CRISPLD2: variants seen among roughly 807,000 people sequenced by gnomAD.
CRISPLD2 encodes cysteine rich secretory protein LCCL domain containing 2.
A neutral mutation model predicts 71.1 loss-of-function variants in CRISPLD2; 47 were observed. That is an observed-to-expected ratio of 0.66 (90% CI 0.52 to 0.84). The LOEUF (loss-of-function observed/expected upper bound fraction) is 0.84, where lower values mean the gene tolerates loss of function less well. Among genes scored for constraint, CRISPLD2 ranks in the 40% least tolerant of loss-of-function variants. The pLI is 0.00. For missense variants in CRISPLD2, 830 were observed against 651.1 expected (o/e 1.27, Z -2.99); for synonymous variants, 317 against 250.1 (o/e 1.27, Z -2.52).
Position 84,901,527 on chromosome 16 carries a change from A to G in CRISPLD2, c.1440-5061A>G, listed in dbSNP as rs78913404. On this transcript the variant is annotated intron_variant, in intron 14 of 14. Transcript: ENST00000262424. Reference sequence around the variant, plus strand: ...CCCTGTGTCGCCCAGGCTGGAGTGCAATGGTGTGATCTCGGCTCATTGCAA... The same window carrying G: ...CCCTGTGTCGCCCAGGCTGGAGTGCGATGGTGTGATCTCGGCTCATTGCAA... Among the ~76,000 whole-genome samples, 1,138 of 146,504 alleles carry G rather than the reference A, an allele frequency of 7.8e-3. 12 individuals are homozygous for G. The highest frequency in any genetic ancestry group is 0.028 in the African/African-American group (1,094 of 39,078).
At chr16:84,883,061 T>C (rs1317397100) in intron 13 of CRISPLD2, among the ~76,000 whole-genome samples, 2 of 152,074 alleles carry the variant, frequency 1.3e-5, no homozygotes, top group Non-Finnish European at 2.9e-5. Context: ...CAGACAATCA[T>C]TGTTTGTTGG....
intron 13 of CRISPLD2, among the ~76,000 whole-genome samples, chr16:84,884,289 C>A (rs117799847): frequency 0.02 from 3,071 of 151,916 alleles, 57 homozygotes; most frequent in Non-Finnish European, 0.032. Context: ...AGCCCCCCTG[C>A]CCCTCAGTCA....
intron 6 of CRISPLD2, among the ~76,000 whole-genome samples, 183 bp downstream of exon 6, chr16:84,855,012 C>T (rs1381745468): frequency 6.6e-6 from 1 of 152,178 alleles, no homozygotes; most frequent in African/African-American, 2.4e-5. Context: ...GGTCTAGGCT[C>T]AGCTTCCAGG....
rs764351402 is a variant in CRISPLD2, at chr16:84,850,733, C to G, written c.608+50C>G. The G allele has an allele frequency of 8.9e-6, 13 of 1,454,332 alleles. 1 individual carries two copies. The highest frequency in any genetic ancestry group is 3.5e-4 in the Middle Eastern group (2 of 5,770). The allele number at this position is 1,454,332 out of a possible 1,614,324, so 90.1% of individuals were successfully genotyped here. A position where few individuals can be genotyped will look rare whatever the true frequency, so the allele number is the denominator to read the frequency against. ...TGGGGTGGGGGTTGGGATGTGTTTG[C>G]TTGCCAGGGAGCACCCAGTGAAAAC... On this transcript the variant is annotated intron_variant, in intron 5 of 14. Transcript: ENST00000262424.
intron 14 of CRISPLD2, among the ~76,000 whole-genome samples, chr16:84,889,605 T>G (rs2071643741): frequency 6.6e-6 from 1 of 152,140 alleles, no homozygotes; most frequent in Non-Finnish European, 1.5e-5. Flanking sequence ...AGAACTTTTT[T>G]TCCTATTACC....
At chr16:84,888,018 G>C (rs746265580) in intron 13 of CRISPLD2, among the ~76,000 whole-genome samples, 1 of 152,142 alleles carries the variant, frequency 6.6e-6, no homozygotes, top group Non-Finnish European at 1.5e-5. Context: ...ATTACTGTTA[G>C]AATAAATCAC....
At chr16:84,886,512 C>G (rs2071614680) in intron 13 of CRISPLD2, among the ~76,000 whole-genome samples, 1 of 152,040 alleles carries the variant, frequency 6.6e-6, no homozygotes, top group African/African-American at 2.4e-5. Flanking sequence ...CCACTCCCCT[C>G]TCTGTTGTAG....
chr16:84,832,428 TCAGAC>T (rs1329487351), intron 1 of CRISPLD2, among the ~76,000 whole-genome samples: 1 of 152,240 alleles, frequency 6.6e-6, no homozygotes, highest in Non-Finnish European at 1.5e-5. Context: ...GCAGCCCAAA[TCAGAC>T]GTAGTCCTTA....
intron 14 of CRISPLD2, among the ~76,000 whole-genome samples, chr16:84,891,878 T>A (rs937782060): frequency 1.3e-5 from 2 of 152,202 alleles, no homozygotes; most frequent in Admixed American, 1.3e-4. Context: ...CCCACCCAAA[T>A]CGCCACTGTC....
Position 84,873,973 on chromosome 16 carries a change from C to A in CRISPLD2, c.1156+10C>A. On this transcript the variant is annotated intron_variant, in intron 11 of 14. Coordinates refer to ENST00000262424, the MANE Select transcript of CRISPLD2 (RefSeq NM_031476.4). The stretch of plus-strand genomic sequence containing the variant: ...GTGTCAAAAGTGAAAGGTAAGCTAG[C>A]CAGTCTCTTTTGCGACCATAATACC... 1 of 1,599,834 alleles carries A rather than the reference C, an allele frequency of 6.3e-7. No homozygotes were observed. The highest frequency in any genetic ancestry group is 8.5e-7 in the Non-Finnish European group (1 of 1,175,384).
intron 13 of CRISPLD2, 93 bp downstream of exon 13, chr16:84,880,677 C>T (rs768328480): frequency 2.4e-6 from 2 of 821,412 alleles, no homozygotes; most frequent in South Asian, 1.5e-5. Flanking sequence ...AAACTTTATT[C>T]CAGTGCCTCT....
intron 14 of CRISPLD2, among the ~76,000 whole-genome samples, chr16:84,903,514 C>T (rs1018280538): frequency 6.6e-6 from 1 of 151,674 alleles, no homozygotes; most frequent in Admixed American, 6.6e-5. Flanking sequence ...ATCGCTTGAA[C>T]CTGGGAGGCG....
At chr16:84,891,794 G>A (rs975378404) in intron 14 of CRISPLD2, among the ~76,000 whole-genome samples, 3 of 152,000 alleles carry the variant, frequency 2.0e-5, no homozygotes, top group Non-Finnish European at 4.4e-5. Context: ...GAAGGCCCCC[G>A]AAGCAGCTTT....
intron 5 of CRISPLD2, among the ~76,000 whole-genome samples, chr16:84,852,793 G>A (rs1276372226): frequency 6.6e-6 from 1 of 152,206 alleles, no homozygotes; most frequent in Non-Finnish European, 1.5e-5. Context: ...AGACTGGCCA[G>A]TGCGGTGGCT....
chr16:84,896,576 AG>A (rs2071708413), intron 14 of CRISPLD2, among the ~76,000 whole-genome samples: 1 of 152,142 alleles, frequency 6.6e-6, no homozygotes, highest in Admixed American at 6.5e-5. Context: ...GGCCTGTGTT[AG>A]GTGATTTTGC....
chr16:84,851,459 C>T (rs751949997), intron 5 of CRISPLD2, among the ~76,000 whole-genome samples: 6 of 151,792 alleles, frequency 4.0e-5, no homozygotes, highest in African/African-American at 1.5e-4. Context: ...GAGTGGGCCC[C>T]GGGGCATGTT....
intron 6 of CRISPLD2, among the ~76,000 whole-genome samples, chr16:84,856,684 C>T (rs1169181662): frequency 6.6e-6 from 1 of 152,186 alleles, no homozygotes; most frequent in East Asian, 1.9e-4. Context: ...TTCTGGAGAA[C>T]TTTGCCCCAG....
intron 1 of CRISPLD2, 43 bp from the exon 2 acceptor site, chr16:84,838,379 C>T (rs1158381891): frequency 4.6e-6 from 6 of 1,290,658 alleles, no homozygotes; most frequent in South Asian, 1.4e-5. Context: ...GTGACCGGCT[C>T]CTACTAATGC....
intron 8 of CRISPLD2, among the ~76,000 whole-genome samples, chr16:84,869,764 C>T (rs997535238): frequency 6.6e-6 from 1 of 152,240 alleles, no homozygotes; most frequent in Admixed American, 6.5e-5. Flanking sequence ...TGTGCACTGC[C>T]CCGTCTGGGC....
Sources: gnomAD v4.1 joint callset for allele counts (sites outside exome capture counted in the v4.1 genomes callset) on GRCh38, gnomAD v4.1.1 for gene constraint, MANE v1.5 for transcripts, NCBI Gene and HGNC (gene_info 2026-07-23, HGNC 2026-07-21) for gene names.